Variants in ADAMTSL1 observed in about 807,000 individuals in gnomAD.
ADAMTSL1 encodes ADAMTS like 1, also known as ADAMTS-like protein 1.
A neutral mutation model predicts 201.8 loss-of-function variants in ADAMTSL1; 126 were observed. The ratio of observed to expected loss-of-function variants is 0.62; its 90% CI spans 0.54 to 0.72. ADAMTSL1 has a LOEUF of 0.72. ADAMTSL1 is among the 30% of genes least tolerant of loss of function. ADAMTSL1 has a pLI of 0.00. For synonymous variants in ADAMTSL1, 1,121 were observed against 903.4 expected (o/e 1.24, Z -4.32); for missense variants, 2,679 against 2,277.8 (o/e 1.18, Z -3.59).
intron 9 of ADAMTSL1, among the ~76,000 whole-genome samples, chr9:18,674,199 C>T (rs1207397267): frequency 1.9e-5 from 1 of 53,366 alleles, no homozygotes; most frequent in Non-Finnish European, 5.0e-5. Context: ...CACACACAGG[C>T]ACACACACAC....
rs2254658 is a variant in ADAMTSL1, at chr9:18,253,107, A to T, written c.207+89126A>T. ...ATTTGGAGAGGTTTCTATGATGTAGATGTCATGATGAGTGAGGAAACCAAG... is the reference window on the plus strand; with the variant it reads ...ATTTGGAGAGGTTTCTATGATGTAGTTGTCATGATGAGTGAGGAAACCAAG... On this transcript the variant is annotated intron_variant, in intron 2 of 29. Coordinates refer to the ADAMTSL1 transcript ENST00000680146. 7.6e-4 allele frequency among the ~76,000 whole-genome samples: 116 copies of T among 152,144 alleles called. 1 individual carries two copies. Among genetic ancestry groups the T allele is most frequent in the Non-Finnish European group, 7.4e-5 (5 of 67,978 alleles).
At chr9:18,204,228 C>T (rs1460691616) in intron 2 of ADAMTSL1, among the ~76,000 whole-genome samples, 2 of 152,054 alleles carry the variant, frequency 1.3e-5, no homozygotes, top group Admixed American at 6.6e-5. Flanking sequence ...AGGGAGAGAC[C>T]AGGTGGAGGT....
intron 1 of ADAMTSL1, among the ~76,000 whole-genome samples, chr9:18,112,612 T>C (rs1240244146): frequency 6.6e-6 from 1 of 152,024 alleles, no homozygotes; most frequent in Admixed American, 6.6e-5. Context: ...CCTAAGATAA[T>C]GTGTGCAGAA....
At position 17,932,540 on chromosome 9, in the gene ADAMTSL1, C is replaced by G. The variant is rs539769499; in HGVS notation, c.87+25618C>G. Among the ~76,000 whole-genome samples, 5 of 152,256 alleles carry G rather than the reference C, an allele frequency of 3.3e-5. 1 individual carries two copies. The highest frequency in any genetic ancestry group is 1.2e-4 in the African/African-American group (5 of 41,546). On this transcript the variant is annotated intron_variant, in intron 1 of 29. Coordinates refer to the ADAMTSL1 transcript ENST00000680146. ...CGTTGAAGGCGCAGTAGAGCTATCT[C>G]TCTGAATTTTGAAGACTTTTCCTAT...
chr9:18,872,278 C>T (rs547858131), intron 23 of ADAMTSL1, among the ~76,000 whole-genome samples: 20 of 152,138 alleles, frequency 1.3e-4, no homozygotes, highest in Non-Finnish European at 2.4e-4. Context: ...AAAGCAGCTA[C>T]CATCACTAGG....
At chr9:17,987,458 CAT>C (rs1454507109) in intron 1 of ADAMTSL1, among the ~76,000 whole-genome samples, 2 of 152,012 alleles carry the variant, frequency 1.3e-5, no homozygotes, top group Non-Finnish European at 2.9e-5. Flanking sequence ...ATATCTGACC[CAT>C]ATGACTAAAG....
At chr9:18,789,562 A>C (rs1019009596) in intron 19 of ADAMTSL1, among the ~76,000 whole-genome samples, 1 of 152,236 alleles carries the variant, frequency 6.6e-6, no homozygotes, top group Non-Finnish European at 1.5e-5. Flanking sequence ...GTGTGCCAGC[A>C]CTATGCTGAA....
chr9:18,046,717 C>G (rs1821675746), intron 1 of ADAMTSL1, among the ~76,000 whole-genome samples: 2 of 152,098 alleles, frequency 1.3e-5, no homozygotes, highest in African/African-American at 4.8e-5. Flanking sequence ...TGAATTCTAC[C>G]TGCTTCATTA....
At chr9:18,126,978 AAGG>A (rs1299557388) in intron 1 of ADAMTSL1, among the ~76,000 whole-genome samples, 1 of 152,030 alleles carries the variant, frequency 6.6e-6, no homozygotes, top group Non-Finnish European at 1.5e-5. Flanking sequence ...CTGGGTGGGG[AAGG>A]AGAAGTGATG....
intron 2 of ADAMTSL1, among the ~76,000 whole-genome samples, chr9:18,459,636 G>C (rs2131703595): frequency 6.6e-6 from 1 of 152,234 alleles, no homozygotes; most frequent in East Asian, 1.9e-4. Context: ...TAGTTAATCA[G>C]ACCCTTTGGG....
At chr9:18,189,220 A>G (rs1441146850) in intron 2 of ADAMTSL1, among the ~76,000 whole-genome samples, 1 of 152,078 alleles carries the variant, frequency 6.6e-6, no homozygotes, top group Non-Finnish European at 1.5e-5. Flanking sequence ...GAGTGAGGGG[A>G]TGCATGAGAA....
chr9:18,499,708 GT>G (rs1822731551), intron 1 of ADAMTSL1, among the ~76,000 whole-genome samples: 1 of 152,254 alleles, frequency 6.6e-6, no homozygotes, highest in East Asian at 1.9e-4. Flanking sequence ...AGAGGTTCAG[GT>G]ACCTTCTTGA....
At chr9:18,767,311 A>C (rs892724213) in intron 16 of ADAMTSL1, among the ~76,000 whole-genome samples, 1 of 152,224 alleles carries the variant, frequency 6.6e-6, no homozygotes, top group African/African-American at 2.4e-5. Context: ...CAGTAAGTTC[A>C]TGGAAGAATC....
At chr9:18,396,803 C>T (rs963099699) in intron 2 of ADAMTSL1, among the ~76,000 whole-genome samples, 22 of 152,016 alleles carry the variant, frequency 1.4e-4, no homozygotes, top group Admixed American at 1.3e-4. Flanking sequence ...CATAAAAACT[C>T]AGCACATTTT....
At chr9:17,919,197 G>A (rs969788077) in intron 1 of ADAMTSL1, among the ~76,000 whole-genome samples, 1 of 150,512 alleles carries the variant, frequency 6.6e-6, no homozygotes, top group Non-Finnish European at 1.5e-5. Flanking sequence ...GTATTAATAT[G>A]TTGTAGTGGC....
chr9:18,613,261 G>A (rs149524393), intron 4 of ADAMTSL1, among the ~76,000 whole-genome samples: 93 of 152,332 alleles, frequency 6.1e-4, no homozygotes, highest in African/African-American at 2.0e-3. Flanking sequence ...TACACTGTTG[G>A]TGGGAGTGTA....
intron 1 of ADAMTSL1, among the ~76,000 whole-genome samples, chr9:18,099,355 A>ATATATATATATATATATATATT (rs1239180390): frequency 6.6e-5 from 3 of 45,546 alleles, no homozygotes; most frequent in African/African-American, 1.6e-4. Flanking sequence ...ATATATATAT[A>ATATATATATATATATATATATT]TTTTTTTTTT....
intron 2 of ADAMTSL1, among the ~76,000 whole-genome samples, chr9:18,190,759 C>T (rs1189532919): frequency 1.3e-5 from 2 of 152,134 alleles, no homozygotes; most frequent in Non-Finnish European, 2.9e-5. Flanking sequence ...CATTTGATAA[C>T]CATTCTCCTT....
At chr9:18,229,572 G>A (rs1830565153) in intron 2 of ADAMTSL1, among the ~76,000 whole-genome samples, 1 of 151,896 alleles carries the variant, frequency 6.6e-6, no homozygotes, top group South Asian at 2.1e-4. Flanking sequence ...CTTTTTGGCA[G>A]GTATGTTATA....
Sources: gnomAD v4.1 joint callset for allele counts (sites outside exome capture counted in the v4.1 genomes callset) on GRCh38, gnomAD v4.1.1 for gene constraint, MANE v1.5 for transcripts, NCBI Gene and HGNC (gene_info 2026-07-23, HGNC 2026-07-21) for gene names.